SHPRH: variants seen among roughly 807,000 people sequenced by gnomAD.
SHPRH encodes the protein SNF2 histone linker PHD RING helicase.
Under a neutral mutation model 202.5 loss-of-function variants are expected in SHPRH, and 106 were observed. The observed-to-expected ratio is 0.52, with a 90% CI of 0.45 to 0.62. SHPRH has a LOEUF of 0.62. Among genes scored for constraint, SHPRH ranks in the 20% least tolerant of loss-of-function variants. The pLI is 0.00. For missense variants in SHPRH, 1,710 were observed against 2,020.0 expected (o/e 0.85, Z 2.94); for synonymous variants, 729 against 686.0 (o/e 1.06, Z -0.98).
chr6:145,943,400 A>C lies in SHPRH; in HGVS notation c.1981T>G (p.Cys661Gly). The change falls in exon 9 of 30, where the codon TGT becomes GGT. Residue 661 changes from cysteine (C) to glycine (G), a missense_variant. Physicochemically the swap from Cys to Gly is radical, Grantham distance 159 (BLOSUM62 -3). This residue lies in a region of SHPRH where 348 missense variants were observed against 356.9 expected (regional missense o/e 0.97). Transcript: ENST00000275233. ...ATCTGATCAAGTTCACCACATATAC[A>C]CTCAAAGCGGTAATCAGAGGTGTTA... ...PFNTSDYRFE[C>G]ICGELDQIDR... 1 of 1,613,910 alleles carries C rather than the reference A, an allele frequency of 6.2e-7. No homozygotes were observed. Among genetic ancestry groups the C allele is most frequent in the Non-Finnish European group, 8.5e-7 (1 of 1,179,942 alleles).
chr6:145,922,073 T>C (rs1385308914), intron 20 of SHPRH, among the ~76,000 whole-genome samples: 1 of 151,996 alleles, frequency 6.6e-6, no homozygotes, highest in Non-Finnish European at 1.5e-5. Flanking sequence ...ATTAATTATA[T>C]ATTACTACAC....
chr6:145,934,758 T>C, intron 13 of SHPRH, 149 bp downstream of exon 13: 2 of 680,554 alleles, frequency 2.9e-6, no homozygotes, highest in Non-Finnish European at 4.7e-6. Flanking sequence ...AATTCTCCGT[T>C]GCAAATGAGC....
chr6:145,937,118 G>A (rs1786189601), intron 11 of SHPRH, among the ~76,000 whole-genome samples: 1 of 151,638 alleles, frequency 6.6e-6, no homozygotes, highest in South Asian at 2.1e-4. Flanking sequence ...CGACTAGCTG[G>A]GATTACAGGC....
chr6:145,913,679 C>T, intron 23 of SHPRH, 130 bp from the exon 24 acceptor site: 1 of 625,784 alleles, frequency 1.6e-6, no homozygotes, highest in South Asian at 2.3e-5. Flanking sequence ...ATTTAGATGA[C>T]CCATCGATCT....
At chr6:145,927,387 T>C (rs1216771552) in intron 14 of SHPRH, 110 bp from the exon 15 acceptor site, 3 of 998,642 alleles carry the variant, frequency 3.0e-6, no homozygotes, top group South Asian at 1.7e-5. Flanking sequence ...GTAATGATTA[T>C]AACTTTTTTT....
chr6:145,925,952 T>C (rs1394190845), intron 16 of SHPRH, among the ~76,000 whole-genome samples: 2 of 151,986 alleles, frequency 1.3e-5, no homozygotes, highest in East Asian at 3.9e-4. Flanking sequence ...TCCCATTCTG[T>C]TGGCTACCAA....
chr6:145,951,861 C>T (rs1788012495), intron 3 of SHPRH: 2 of 455,948 alleles, frequency 4.4e-6, no homozygotes, highest in Non-Finnish European at 4.4e-6. Flanking sequence ...GCCATCCACA[C>T]TCTCCCAAGG....
intron 1 of SHPRH, among the ~76,000 whole-genome samples, chr6:145,957,728 C>A (rs1445360034): frequency 6.6e-6 from 1 of 152,122 alleles, no homozygotes; most frequent in Non-Finnish European, 1.5e-5. Context: ...GAACTGAACT[C>A]TCCAACATTT....
intron 2 of SHPRH, among the ~76,000 whole-genome samples, chr6:145,870,197 T>C (rs1779992678): frequency 6.6e-6 from 1 of 151,910 alleles, no homozygotes; most frequent in East Asian, 1.9e-4. Flanking sequence ...ATTAGTCTTC[T>C]CTTACAACCT....
At position 145,943,526 on chromosome 6, in the gene SHPRH, A is replaced by C. The variant is rs769020719; in HGVS notation, c.1855T>G (p.Cys619Gly). Residue 619 changes from cysteine to glycine, a missense_variant, in exon 9 of 30, where the codon TGT (cysteine) becomes GGT (glycine). By Grantham distance (159) the Cys-to-Gly change is radical. Around this residue, in one of 8 missense-constraint regions of SHPRH, gnomAD observed 348 missense variants for 356.9 expected, o/e 0.97. Coordinates refer to ENST00000275233, the MANE Select transcript of SHPRH (RefSeq NM_001042683.3). Reference protein sequence around the residue: ...ITDVAMSKSTCISEFNQEHET... With the variant: ...ITDVAMSKSTGISEFNQEHET... ...TGTTCTTGGTTGAATTCAGAGATAC[A>C]TGTACTTTTAGACATAGCAACATCA... The C allele has an allele frequency of 3.1e-6, 5 of 1,614,032 alleles. No homozygotes were observed. The South Asian group carries it at 5.5e-5, about 18-fold the overall frequency.
Position 145,935,378 on chromosome 6 carries a change from C to T in SHPRH, c.2633G>A (p.Arg878Gln), listed in dbSNP as rs772384844. ...EPYCVKHWWV[R>Q]LLYRPYCKKN... ...CTTGCAGTAAGGCCGATAGAGAAGTCGAACCCACCAGTGTTTGACACAGTA... is the reference window on the plus strand; with the variant it reads ...CTTGCAGTAAGGCCGATAGAGAAGTTGAACCCACCAGTGTTTGACACAGTA... The change falls in exon 12 of 30, where the codon CGA (arginine) becomes CAA (glutamine). Residue 878 changes from arginine to glutamine, a missense_variant. By Grantham distance (43) the Arg-to-Gln change is conservative. Around this residue, in one of 8 missense-constraint regions of SHPRH, gnomAD observed 277 missense variants for 363.0 expected, o/e 0.76. Transcript: ENST00000275233. The T allele has an allele frequency of 1.2e-6, 2 of 1,613,756 alleles. No individual in the cohort carries two copies. Among genetic ancestry groups the T allele is most frequent in the Non-Finnish European group, 1.7e-6 (2 of 1,179,970 alleles).
At chr6:145,872,825 C>T (rs1295963132) in intron 2 of SHPRH, among the ~76,000 whole-genome samples, 1 of 152,128 alleles carries the variant, frequency 6.6e-6, no homozygotes. Context: ...AGAAAATGTA[C>T]ATATACAACA....
At chr6:145,862,461 C>CAA (rs386408854), downstream of SHPRH, among the ~76,000 whole-genome samples, 82 of 150,486 alleles carry the variant, frequency 5.4e-4, no homozygotes, top group Non-Finnish European at 7.0e-4. Context: ...ACAACAACAA[C>CAA]AAAAAACAAA....
chr6:145,960,284 C>A (rs1031527388), intron 1 of SHPRH, among the ~76,000 whole-genome samples: 15 of 152,106 alleles, frequency 9.9e-5, no homozygotes, highest in Non-Finnish European at 1.6e-4. Context: ...CACTAAGGTG[C>A]CACAGACCAA....
Position 145,955,124 on chromosome 6 carries a change from G to C in SHPRH, c.199C>G (p.His67Asp), listed in dbSNP as rs370329124. The C allele has an allele frequency of 1.2e-6, 2 of 1,613,558 alleles. No individual in the cohort carries two copies. The highest frequency in any genetic ancestry group is 1.1e-5 in the South Asian group (1 of 91,072). ...LSDSLKEEVA[H>D]RDKKRCSKVV... ...TTTGAACACCTCTTCTTATCTCTGT[G>C]AGCCACTTCTTCCTTTAGACTATCA... The change falls in exon 2 of 30, where the codon CAC (histidine) becomes GAC (aspartate). Residue 67 changes from histidine (H) to aspartate (D), a missense_variant. Coordinates refer to ENST00000275233, the MANE Select transcript of SHPRH (RefSeq NM_001042683.3).
chr6:145,946,216 A>C lies in SHPRH; in HGVS notation c.1321+17T>G. The C allele has an allele frequency of 7.6e-6, 12 of 1,577,460 alleles. No individual in the cohort carries two copies. The highest frequency in any genetic ancestry group is 1.4e-5 in the African/African-American group (1 of 73,968). On this transcript the variant is annotated intron_variant, in intron 7 of 29. Transcript: ENST00000275233. The stretch of plus-strand genomic sequence containing the variant: ...TCACTATAAGAAGGTATTTCCTTTA[A>C]GAGATGTCTTACTTACGAGGGCATT...
chr6:145,929,376 A>G (rs1039174468), intron 14 of SHPRH, among the ~76,000 whole-genome samples: 1 of 152,038 alleles, frequency 6.6e-6, no homozygotes, highest in African/African-American at 2.4e-5. Flanking sequence ...GAATCTCAGA[A>G]TATGTATTAA....
Position 145,955,270 on chromosome 6 carries a change from C to T in SHPRH, c.53G>A (p.Arg18Lys), listed in dbSNP as rs779724821. Residue 18 changes from arginine to lysine, a missense_variant, in exon 2 of 30, where the codon AGG becomes AAG. Around this residue, in one of 8 missense-constraint regions of SHPRH, gnomAD observed 459 missense variants for 426.5 expected, o/e 1.08. Coordinates refer to ENST00000275233, the MANE Select transcript of SHPRH (RefSeq NM_001042683.3). The part of the protein sequence containing the change: ...APPVRVDEEK[R>K]QQLHWNMHED... ...ATGCATATTCCAATGAAGCTGCTGC[C>T]TCTTTTCCTCATCTACCCTCACTGG... 1.2e-6 allele frequency: 2 copies of T among 1,611,202 alleles called. No individual in the cohort carries two copies. The highest frequency in any genetic ancestry group is 1.1e-5 in the South Asian group (1 of 91,070).
chr6:145,919,149 G>C, intron 22 of SHPRH, 199 bp downstream of exon 22: 1 of 614,132 alleles, frequency 1.6e-6, no homozygotes, highest in Non-Finnish European at 2.7e-6. Context: ...TGAACACTAA[G>C]CATGTAATAG....
Sources: allele counts gnomAD v4.1 joint callset (sites outside exome capture counted in the v4.1 genomes callset), GRCh38; gene constraint gnomAD v4.1.1; regional missense constraint gnomAD v4.1.1; transcripts MANE v1.5; gene names NCBI Gene and HGNC (gene_info 2026-07-23, HGNC 2026-07-21).